CHRDL1: variants seen among roughly 807,000 people sequenced by gnomAD.
CHRDL1 encodes chordin-like protein 1.
Under a neutral mutation model 40.9 loss-of-function variants are expected in CHRDL1, and 19 were observed. The ratio of observed to expected loss-of-function variants is 0.46; its 90% CI spans 0.32 to 0.68. CHRDL1 has a LOEUF of 0.68. CHRDL1 is among the 30% of genes least tolerant of loss of function. The pLI is 0.03. For missense variants in CHRDL1, 329 were observed against 352.1 expected (o/e 0.93, Z 0.53); for synonymous variants, 136 against 123.4 (o/e 1.10, Z -0.68).
rs1390043408 is a variant in CHRDL1, at chrX:110,691,564, G to A, written c.778+2599C>T. ...GGGTGGGTTGTATCACTTCAGGCTG[G>A]GCTGTTGGGGAGAAATAGTCCCACT... On this transcript the variant is annotated intron_variant, in intron 8 of 11. Coordinates refer to ENST00000372042, the MANE Select transcript of CHRDL1 (RefSeq NM_001143981.2). Among the ~76,000 whole-genome samples the A allele has an allele frequency of 2.7e-5, 3 of 111,089 alleles. No individual in the cohort carries two copies. The East Asian group carries it at 8.5e-4, about 31-fold the overall frequency.
intron 2 of CHRDL1, among the ~76,000 whole-genome samples, chrX:110,773,828 T>C (rs1344317586): frequency 9.1e-6 from 1 of 110,156 alleles, no homozygotes; most frequent in East Asian, 2.8e-4. Context: ...GAATGTTCCA[T>C]GTGATCTTGA....
intron 2 of CHRDL1, among the ~76,000 whole-genome samples, chrX:110,789,592 T>C (rs772303735): frequency 8.9e-5 from 10 of 112,492 alleles, no homozygotes; most frequent in Non-Finnish European, 1.9e-4. Context: ...CACTATTACA[T>C]TGCAATGTAT....
chrX:110,714,056 A>C lies in CHRDL1; in HGVS notation c.541+5779T>G, dbSNP rs577898785. On this transcript the variant is annotated intron_variant, in intron 6 of 11. Coordinates refer to ENST00000372042, the MANE Select transcript of CHRDL1 (RefSeq NM_001143981.2). ...TCTCTGAAGAGATTTAAAAAAAAAA[A>C]AACTTTTATTTTAGGTTTGAGGATA... 1.4e-4 allele frequency among the ~76,000 whole-genome samples: 16 copies of C among 110,571 alleles called. No individual in the cohort carries two copies. In the South Asian group the frequency reaches 5.9e-3, roughly 41 times the overall value.
intron 4 of CHRDL1, among the ~76,000 whole-genome samples, chrX:110,740,691 G>T (rs201530418): frequency 9.0e-6 from 1 of 111,515 alleles, no homozygotes; most frequent in East Asian, 2.8e-4. Context: ...AAATATTCCT[G>T]CAATTTCTAC....
chrX:110,729,973 AG>A (rs753676467), intron 4 of CHRDL1, among the ~76,000 whole-genome samples: 3 of 111,897 alleles, frequency 2.7e-5, no homozygotes, highest in Non-Finnish European at 5.6e-5. Flanking sequence ...TTTTACTACT[AG>A]CTATAAATGA....
At chrX:110,738,805 A>G (rs1309333526) in intron 4 of CHRDL1, among the ~76,000 whole-genome samples, 1 of 110,974 alleles carries the variant, frequency 9.0e-6, no homozygotes, top group Non-Finnish European at 1.9e-5. Context: ...TGAGTGTGTT[A>G]AAGGACTCTG....
At chrX:110,792,551 G>C (rs2090119604) in intron 1 of CHRDL1, among the ~76,000 whole-genome samples, 1 of 112,076 alleles carries the variant, frequency 8.9e-6, no homozygotes, top group South Asian at 3.7e-4. Context: ...GGAGAAAAGG[G>C]AAACTTTAGC....
Position 110,676,199 on chromosome X carries a change from T to C in CHRDL1, c.*32A>G, listed in dbSNP as rs1569457294. On this transcript the variant is annotated 3_prime_UTR_variant, in exon 12 of 12. Coordinates refer to ENST00000372042, the MANE Select transcript of CHRDL1 (RefSeq NM_001143981.2). ...AGTCCAGCTGCAGCTTGAGTTTTCT[T>C]GCTTTACCCTATCCAATACTGTCTG... 5.1e-6 allele frequency: 6 copies of C among 1,183,008 alleles called. No individual in the cohort carries two copies. Among genetic ancestry groups the C allele is most frequent in the Non-Finnish European group, 6.8e-6 (6 of 880,789 alleles).
Position 110,738,503 on chromosome X carries a change from G to T in CHRDL1, c.302-16973C>A, listed in dbSNP as rs2071301449. Among the ~76,000 whole-genome samples the T allele has an allele frequency of 3.6e-5, 4 of 111,023 alleles. No individual in the cohort carries two copies. In the South Asian group the frequency reaches 1.6e-3, roughly 44 times the overall value. On this transcript the variant is annotated intron_variant, in intron 4 of 11. Transcript: ENST00000372042. ...CACACCTGTAATCCCAGCACTTTGGGAGGCTGAGGCGGGTGGATCACAAGG... is the reference window on the plus strand; with the variant it reads ...CACACCTGTAATCCCAGCACTTTGGTAGGCTGAGGCGGGTGGATCACAAGG...
chrX:110,689,796 CATCTATAT>C (rs2070190654), intron 8 of CHRDL1, among the ~76,000 whole-genome samples: 1 of 1,950 alleles, frequency 5.1e-4, no homozygotes, highest in Non-Finnish European at 9.0e-4. Flanking sequence ...TATATCTATA[CATCTATAT>C]ATCTATATAT....
intron 2 of CHRDL1, among the ~76,000 whole-genome samples, chrX:110,766,264 A>G (rs893118901): frequency 9.0e-6 from 1 of 111,053 alleles, no homozygotes; most frequent in African/African-American, 3.3e-5. Context: ...GCACAAATAG[A>G]CAATCTAAGG....
chrX:110,714,921 T>C (rs1199478027), intron 6 of CHRDL1, among the ~76,000 whole-genome samples: 1 of 111,548 alleles, frequency 9.0e-6, no homozygotes, highest in Non-Finnish European at 1.9e-5. Context: ...GTCATTTCCA[T>C]GGGAAAAAAT....
At chrX:110,681,837 A>G (rs1252314668) in intron 9 of CHRDL1, among the ~76,000 whole-genome samples, 188 bp from the exon 10 acceptor site, 1 of 112,619 alleles carries the variant, frequency 8.9e-6, no homozygotes, top group Non-Finnish European at 1.9e-5. Flanking sequence ...CCACTGCAAC[A>G]AGCCACAGAT....
At chrX:110,734,481 T>C (rs2071228038) in intron 4 of CHRDL1, among the ~76,000 whole-genome samples, 1 of 111,853 alleles carries the variant, frequency 8.9e-6, no homozygotes, top group Admixed American at 9.5e-5. Context: ...TCATGGACCA[T>C]TCCAATCTCA....
intron 6 of CHRDL1, among the ~76,000 whole-genome samples, chrX:110,715,038 A>G (rs1394856788): frequency 8.9e-6 from 1 of 111,838 alleles, no homozygotes; most frequent in African/African-American, 3.3e-5. Flanking sequence ...AATTTTTACA[A>G]AAGTGTAGGA....
At chrX:110,719,481 T>C (rs1246948502) in intron 6 of CHRDL1, among the ~76,000 whole-genome samples, 1 of 111,217 alleles carries the variant, frequency 9.0e-6, no homozygotes, top group East Asian at 2.8e-4. Context: ...TTCTTCCTTC[T>C]AAGGCTATGA....
chrX:110,779,443 G>A (rs1317818938), intron 2 of CHRDL1, among the ~76,000 whole-genome samples: 2 of 111,254 alleles, frequency 1.8e-5, no homozygotes, highest in African/African-American at 6.5e-5. Context: ...AGTTGTTCCA[G>A]CACCCATTTA....
chrX:110,698,645 G>T (rs2070450939), intron 7 of CHRDL1, among the ~76,000 whole-genome samples: 1 of 111,862 alleles, frequency 8.9e-6, no homozygotes, highest in Non-Finnish European at 1.9e-5. Context: ...TTTGCTACAG[G>T]AAGTACTGGA....
chrX:110,685,073 A>AT (rs1437971376), intron 9 of CHRDL1, among the ~76,000 whole-genome samples: 1 of 112,197 alleles, frequency 8.9e-6, no homozygotes, highest in Non-Finnish European at 1.9e-5. Flanking sequence ...GATAAATTTT[A>AT]TTATGTTTTC....
Sources: gnomAD v4.1 joint callset for allele counts (sites outside exome capture counted in the v4.1 genomes callset) on GRCh38, gnomAD v4.1.1 for gene constraint, MANE v1.5 for transcripts, NCBI Gene and HGNC (gene_info 2026-07-23, HGNC 2026-07-21) for gene names.